CCDC7: variants seen among roughly 807,000 people sequenced by gnomAD.
The protein encoded by CCDC7 is coiled-coil domain-containing protein 7.
CCDC7 carries 183 observed loss-of-function variants against 196.9 expected under a neutral mutation model. The observed-to-expected ratio is 0.93, with a 90% CI of 0.82 to 1.05. CCDC7 has a LOEUF of 1.05. CCDC7 is among the 50% of genes least tolerant of loss of function. The pLI, the probability that CCDC7 is intolerant of heterozygous loss-of-function variation, is 0.00. For synonymous variants in CCDC7, 525 were observed against 484.6 expected, an observed-to-expected ratio of 1.08 and a Z score of -1.10; for missense variants, 1,540 against 1,482.2, an observed-to-expected ratio of 1.04 and a Z score of -0.64.
intron 28 of CCDC7, among the ~76,000 whole-genome samples, chr10:32,756,795 G>A (rs1420571356): frequency 6.6e-6 from 1 of 152,180 alleles, no homozygotes; most frequent in African/African-American, 2.4e-5. Context: ...CCAGTTAAAA[G>A]ACACAGACTG....
intron 13 of CCDC7, among the ~76,000 whole-genome samples, chr10:32,555,085 CATTT>C (rs1315302436): frequency 6.6e-6 from 1 of 152,168 alleles, no homozygotes; most frequent in Non-Finnish European, 1.5e-5. Context: ...TTTCTTTATT[CATTT>C]GTCTGTTGAT....
chr10:32,738,898 T>C (rs1261027056), intron 28 of CCDC7, among the ~76,000 whole-genome samples: 1 of 151,456 alleles, frequency 6.6e-6, no homozygotes, highest in Non-Finnish European at 1.5e-5. Context: ...GCAAGGATAC[T>C]GGCAACAAAT....
chr10:32,474,600 A>G (rs939993870), intron 8 of CCDC7, among the ~76,000 whole-genome samples: 6 of 151,928 alleles, frequency 3.9e-5, no homozygotes, highest in South Asian at 2.1e-4. Context: ...TGTGATTAGA[A>G]CGTACTACTG....
chr10:32,515,730 C>T (rs570497934), intron 9 of CCDC7, among the ~76,000 whole-genome samples: 97 of 150,630 alleles, frequency 6.4e-4, no homozygotes, highest in African/African-American at 2.3e-3. Context: ...TTTGTAGAGG[C>T]GGGGTTTCAC....
At position 32,559,116 on chromosome 10, in the gene CCDC7, G is replaced by A. The variant is rs557440731; in HGVS notation, c.1135-6442G>A. The stretch of plus-strand genomic sequence containing the variant: ...GCAAGGCGGCAGCGAGGCTGGGGGA[G>A]GGGCGCCCGCCATTGCCCAGGCTTG... On this transcript the variant is annotated intron_variant, in intron 13 of 41. Coordinates refer to ENST00000639629, the Ensembl canonical transcript of CCDC7. Among the ~76,000 whole-genome samples, 48 of 152,376 alleles carry A rather than the reference G, an allele frequency of 3.2e-4. No homozygotes were observed. The East Asian group carries it at 9.1e-3, about 29-fold the overall frequency.
At chr10:32,485,292 A>G (rs1195985857) in intron 8 of CCDC7, among the ~76,000 whole-genome samples, 1 of 152,172 alleles carries the variant, frequency 6.6e-6, no homozygotes, top group East Asian at 1.9e-4. Flanking sequence ...AGAGGTGTTT[A>G]TAGTATTCTC....
intron 20 of CCDC7, among the ~76,000 whole-genome samples, chr10:32,662,849 T>C (rs770052082): frequency 9.9e-5 from 15 of 152,158 alleles, no homozygotes; most frequent in Non-Finnish European, 2.2e-4. Flanking sequence ...GTTTGGTAAA[T>C]GATCTTATTT....
chr10:32,694,883 T>A (rs1034268963), exon 24 of CCDC7: 34 of 1,587,740 alleles, frequency 2.1e-5, no homozygotes, highest in Non-Finnish European at 2.7e-5. Flanking sequence ...ATGTAGCTCA[T>A]GATGAAGAAC....
intron 11 of CCDC7, among the ~76,000 whole-genome samples, chr10:32,519,130 T>A (rs1301215355): frequency 6.6e-6 from 1 of 152,140 alleles, no homozygotes; most frequent in Non-Finnish European, 1.5e-5. Context: ...GTTTGATCAG[T>A]TAGAGAAGGA....
chr10:32,725,633 T>C (rs1293459627), intron 25 of CCDC7, among the ~76,000 whole-genome samples: 1 of 152,132 alleles, frequency 6.6e-6, no homozygotes, highest in Non-Finnish European at 1.5e-5. Flanking sequence ...TACCAACATC[T>C]GTTCAGCTTC....
intron 5 of CCDC7, among the ~76,000 whole-genome samples, chr10:32,467,202 AG>A (rs1416861169): frequency 3.3e-5 from 5 of 151,858 alleles, no homozygotes; most frequent in South Asian, 4.2e-4. Context: ...CCTGGGTTCA[AG>A]CAATTGTCCT....
At chr10:32,447,524 A>G (rs1048442748), upstream of CCDC7, among the ~76,000 whole-genome samples, 3 of 152,278 alleles carry the variant, frequency 2.0e-5, no homozygotes, top group African/African-American at 7.2e-5. Context: ...TCAATTTTGT[A>G]AATTTAATCT....
chr10:32,512,059 G>T, intron 9 of CCDC7: 1 of 249,046 alleles, frequency 4.0e-6, no homozygotes. Context: ...GTTCACCTGT[G>T]CATATTGAGA....
At chr10:32,814,502 C>A in intron 31 of CCDC7, 49 bp downstream of exon 32, 3 of 1,337,494 alleles carry the variant, frequency 2.2e-6, no homozygotes, top group Non-Finnish European at 2.1e-6. Flanking sequence ...AGTTTATATT[C>A]TCTGGAGTGT....
rs147778441 is a variant in CCDC7 at position 32,745,550 on chromosome 10, TG to T, written c.2905+16094del. On this transcript the variant is annotated intron_variant, in intron 28 of 41. Coordinates refer to ENST00000639629, the Ensembl canonical transcript of CCDC7. ...GGAAACTAGTAGAATGAGAACTCAC[TG>T]ATTATTACTATGAGGGCAGCACCAA... Among the ~76,000 whole-genome samples, 1,101 of 152,272 alleles carry T rather than the reference TG, an allele frequency of 7.2e-3. 17 individuals are homozygous for T. The highest frequency in any genetic ancestry group is 0.024 in the African/African-American group (981 of 41,562).
intron 32 of CCDC7, among the ~76,000 whole-genome samples, chr10:32,827,208 T>C (rs945928438): frequency 6.6e-6 from 1 of 152,190 alleles, no homozygotes; most frequent in South Asian, 2.1e-4. Context: ...ATGGAGGTTA[T>C]ACATGGGCTC....
At position 32,759,725 on chromosome 10, in the gene CCDC7, A is replaced by T. The variant is rs552753455; in HGVS notation, c.2906-19252A>T. On this transcript the variant is annotated intron_variant, in intron 28 of 41. Coordinates refer to ENST00000639629, the Ensembl canonical transcript of CCDC7. ...TAAAACACCAAAAGCAATGGCAACA[A>T]AAGGCAAAATTGACAAATGGGATCT... Among the ~76,000 whole-genome samples, 23 of 152,346 alleles carry T rather than the reference A, an allele frequency of 1.5e-4. No individual in the cohort carries two copies. In the East Asian group the frequency reaches 2.3e-3, roughly 15 times the overall value.
chr10:32,645,168 G>A (rs1295342078), intron 20 of CCDC7, among the ~76,000 whole-genome samples: 1 of 152,116 alleles, frequency 6.6e-6, no homozygotes, highest in Non-Finnish European at 1.5e-5. Flanking sequence ...ATCCATGTCA[G>A]AATGGCTATT....
intron 29 of CCDC7, among the ~76,000 whole-genome samples, chr10:32,798,697 G>A (rs541528244): frequency 6.6e-6 from 1 of 152,174 alleles, no homozygotes; most frequent in African/African-American, 2.4e-5. Context: ...TTGCACATCT[G>A]GCCATTTCTC....
Sources: gnomAD v4.1 joint callset for allele counts (sites outside exome capture counted in the v4.1 genomes callset) on GRCh38, gnomAD v4.1.1 for gene constraint, MANE v1.5 for transcripts, NCBI Gene and HGNC (gene_info 2026-07-23, HGNC 2026-07-21) for gene names.